Variants in GIGYF2 observed in about 807,000 individuals in gnomAD.
The protein encoded by GIGYF2 is GRB10 interacting GYF protein 2.
A neutral mutation model predicts 208.1 loss-of-function variants in GIGYF2; 25 were observed. The ratio of observed to expected loss-of-function variants is 0.12; its 90% CI spans 0.09 to 0.17. The LOEUF is 0.17. Among genes scored for constraint, GIGYF2 ranks in the 10% least tolerant of loss-of-function variants. The probability of loss-of-function intolerance (pLI) is 1.00; values close to 1 mark genes in which losing one functional copy is unlikely to be tolerated. For missense variants in GIGYF2, 1,302 were observed against 1,579.4 expected (o/e 0.82, Z 2.98); for synonymous variants, 534 against 543.8 (o/e 0.98, Z 0.25).
chr2:232,745,659 T>A (rs1698123820), intron 3 of GIGYF2, among the ~76,000 whole-genome samples: 1 of 152,206 alleles, frequency 6.6e-6, no homozygotes, highest in African/African-American at 2.4e-5. Flanking sequence ...GGAAAATTTA[T>A]CTTTGCAGAA....
chr2:232,812,303 A>G, intron 17 of GIGYF2, 88 bp from the exon 18 acceptor site: 3 of 700,866 alleles, frequency 4.3e-6, no homozygotes, highest in Non-Finnish European at 7.8e-6. Context: ...AACCTGGAGA[A>G]CCTGCTAATC....
rs202106231 is a variant in GIGYF2 at position 232,781,598 on chromosome 2, T to G, written c.533-5552T>G. On this transcript the variant is annotated intron_variant, in intron 8 of 28. Coordinates refer to ENST00000373563, the MANE Select transcript of GIGYF2 (RefSeq NM_001103146.3). ...TCAGGAGCATGCATTTTGAAATCAT[T>G]CTGTGGGAAGATGAAAACAAATTTA... Among the ~76,000 whole-genome samples the G allele has an allele frequency of 3.3e-5, 5 of 152,282 alleles. No homozygotes were observed. In the East Asian group the frequency reaches 9.7e-4, roughly 29 times the overall value.
chr2:232,703,259 T>C (rs1165311675), intron 1 of GIGYF2, among the ~76,000 whole-genome samples, 165 bp from the exon 2 acceptor site: 2 of 152,216 alleles, frequency 1.3e-5, no homozygotes, highest in Non-Finnish European at 2.9e-5. Context: ...ACTGAGACTT[T>C]CTAGATGTTA....
intron 2 of GIGYF2, among the ~76,000 whole-genome samples, chr2:232,714,179 C>T (rs1413724455): frequency 1.3e-5 from 2 of 152,054 alleles, no homozygotes; most frequent in Admixed American, 6.6e-5. Context: ...TTTCGATCTC[C>T]TGACCTCGTG....
intron 14 of GIGYF2, among the ~76,000 whole-genome samples, chr2:232,801,008 G>A (rs1700381532): frequency 6.6e-6 from 1 of 152,054 alleles, no homozygotes; most frequent in Non-Finnish European, 1.5e-5. Context: ...CACCCAAGTA[G>A]GTGGGATTAC....
intron 28 of GIGYF2, among the ~76,000 whole-genome samples, chr2:232,851,906 G>C (rs1690349431): frequency 6.6e-6 from 1 of 152,154 alleles, no homozygotes; most frequent in Admixed American, 6.5e-5. Context: ...TGGTAGTGGG[G>C]ATGAAAAGGA....
chr2:232,726,238 C>T lies in GIGYF2; in HGVS notation c.-43-8917C>T, dbSNP rs140171172. On this transcript the variant is annotated intron_variant, in intron 2 of 28. Coordinates refer to ENST00000373563, the MANE Select transcript of GIGYF2 (RefSeq NM_001103146.3). ...ACAAAAATTATCTGGGTGTGGTGTT[C>T]GGCGCCTGTAATCCCAGCTACTGGG... 5.9e-3 allele frequency among the ~76,000 whole-genome samples: 897 copies of T among 151,844 alleles called. 3 individuals carry two copies. Among genetic ancestry groups the T allele is most frequent in the African/African-American group, 0.02 (844 of 41,434 alleles).
rs1426086661 is a variant in GIGYF2 at position 232,833,072 on chromosome 2, A to G, written c.2745A>G (p.Gln915=). Residue 915 remains glutamine, a synonymous_variant, in exon 22 of 29, where the codon CAA becomes CAG. Transcript: ENST00000373563. ...ALRRLQQQQQ[Q]QQLAQMKLPS... is the part of the protein sequence containing the mutation. Reference sequence around the variant, plus strand: ...GGAGGTTGCAGCAGCAGCAGCAGCAACAACAGCTGGCGCAGATGAAGGTAA... The same window carrying G: ...GGAGGTTGCAGCAGCAGCAGCAGCAGCAACAGCTGGCGCAGATGAAGGTAA... 8 of 1,552,084 alleles carry G rather than the reference A, an allele frequency of 5.2e-6. No individual in the cohort carries two copies. The highest frequency in any genetic ancestry group is 2.7e-5 in the African/African-American group (2 of 73,160).
intron 6 of GIGYF2, chr2:232,760,224 C>CT (rs1371539790): frequency 3.0e-6 from 1 of 335,190 alleles, no homozygotes; most frequent in Non-Finnish European, 5.5e-6. Context: ...AAAGTTGATA[C>CT]TTTCTTGTTC....
chr2:232,856,946 C>G lies in GIGYF2; in HGVS notation c.*86C>G. 3 of 874,634 alleles carry G rather than the reference C, an allele frequency of 3.4e-6. No individual in the cohort carries two copies. Among genetic ancestry groups the G allele is most frequent in the South Asian group, 2.6e-5 (2 of 76,366 alleles). The allele number at this position is 874,634 out of a possible 1,614,324, so 54.2% of individuals were successfully genotyped here. A position where few individuals can be genotyped will look rare whatever the true frequency, so the allele number is the denominator to read the frequency against. ...GGACACAACACTTACTCACCATTTA[C>G]TCTTTATCACTCTGCAACAAATCAC... is the stretch of plus-strand genomic sequence containing the variant. On this transcript the variant is annotated 3_prime_UTR_variant, in exon 29 of 29. Coordinates refer to ENST00000373563, the MANE Select transcript of GIGYF2 (RefSeq NM_001103146.3).
Position 232,703,477 on chromosome 2 carries a change from A to T in GIGYF2, c.-56A>T, listed in dbSNP as rs1473716658. On this transcript the variant is annotated 5_prime_UTR_variant, in exon 2 of 29. Transcript: ENST00000373563. ...CAAATCTCCTGCTGTGAACCAGCAG[A>T]ATTTTTGAACAGGTAAGTGTGGAAG... is the stretch of plus-strand genomic sequence containing the variant. 1 of 152,666 alleles carries T rather than the reference A, an allele frequency of 6.6e-6. No individual in the cohort carries two copies. The highest frequency in any genetic ancestry group is 1.5e-5 in the Non-Finnish European group (1 of 68,048). 9.5% of individuals were successfully genotyped at this position (152,666 alleles called of 1,614,324 possible).
At chr2:232,742,667 G>C (rs1321287274) in intron 3 of GIGYF2, among the ~76,000 whole-genome samples, 2 of 152,158 alleles carry the variant, frequency 1.3e-5, no homozygotes, top group Non-Finnish European at 2.9e-5. Flanking sequence ...ATAAAAATTA[G>C]GTTAGTTGGA....
chr2:232,819,845 C>A lies in GIGYF2; in HGVS notation c.2389C>A (p.Gln797Lys). ...TCCTTAGGAAGAGGCTCTGCGTCGC[C>A]AGCGGGAGCAAGAAATTGCATTAAG... ...RRKQEEALRR[Q>K]REQEIALRRQ... Residue 797 changes from glutamine (Q) to lysine (K), a missense_variant, in exon 21 of 29, where the codon CAG becomes AAG. Physicochemically the swap from Gln to Lys is moderately conservative, Grantham distance 53. Transcript: ENST00000373563. The A allele has an allele frequency of 1.4e-6, 2 of 1,432,702 alleles. No individual in the cohort carries two copies. Among genetic ancestry groups the A allele is most frequent in the Non-Finnish European group, 1.9e-6 (2 of 1,069,904 alleles). The allele number at this position is 1,432,702 out of a possible 1,614,324, so 88.7% of individuals were successfully genotyped here. A position where few individuals can be genotyped will look rare whatever the true frequency, so the allele number is the denominator to read the frequency against.
At chr2:232,749,495 A>ATGTGTGTGTGTG (rs137927853) in intron 5 of GIGYF2, among the ~76,000 whole-genome samples, 6 of 151,136 alleles carry the variant, frequency 4.0e-5, no homozygotes, top group African/African-American at 1.5e-4. Context: ...TCTGTCACCA[A>ATGTGTGTGTGTG]TGTGTGTGTG....
chr2:232,739,672 C>T (rs574333927), intron 3 of GIGYF2, among the ~76,000 whole-genome samples: 2 of 151,640 alleles, frequency 1.3e-5, no homozygotes, highest in African/African-American at 4.8e-5. Context: ...ACCCTGTCTC[C>T]CAAAAAGGAA....
intron 14 of GIGYF2, among the ~76,000 whole-genome samples, chr2:232,800,500 A>G (rs548569349): frequency 6.6e-6 from 1 of 151,800 alleles, no homozygotes; most frequent in South Asian, 2.1e-4. Flanking sequence ...TTATATTGGC[A>G]TTACACTGTT....
Position 232,803,438 on chromosome 2 carries a change from G to A in GIGYF2, c.1640-3053G>A, listed in dbSNP as rs1386217709. On this transcript the variant is annotated intron_variant, in intron 14 of 28. Transcript: ENST00000373563. The stretch of plus-strand genomic sequence containing the variant: ...TAGATGCCAATGGTTTTTTTTGTGT[G>A]TGTGTGGAAAAATTTTATAGTTTTT... 3.3e-5 allele frequency among the ~76,000 whole-genome samples: 5 copies of A among 151,976 alleles called. No individual in the cohort carries two copies. In the East Asian group the frequency reaches 5.8e-4, roughly 18 times the overall value.
chr2:232,794,688 G>A, intron 12 of GIGYF2, 60 bp from the exon 13 acceptor site: 1 of 1,313,684 alleles, frequency 7.6e-7, no homozygotes, highest in Middle Eastern at 1.8e-4. Context: ...TGATAATGTA[G>A]TTAGCCTTCA....
At chr2:232,784,595 T>C (rs1013115890) in intron 8 of GIGYF2, among the ~76,000 whole-genome samples, 1 of 142,432 alleles carries the variant, frequency 7.0e-6, no homozygotes, top group Admixed American at 6.9e-5. Flanking sequence ...TTTCATCGTG[T>C]TAGCTTGATC....
Sources: allele counts gnomAD v4.1 joint callset (sites outside exome capture counted in the v4.1 genomes callset), GRCh38; gene constraint gnomAD v4.1.1; transcripts MANE v1.5; gene names NCBI Gene and HGNC (gene_info 2026-07-23, HGNC 2026-07-21).